The following CDH12 variants were observed in gnomAD, a reference collection of about 807,000 sequenced individuals.
CDH12 encodes cadherin-12.
In CDH12, 41 loss-of-function variants were observed where a neutral mutation model predicts 74.1. The ratio of observed to expected loss-of-function variants is 0.55; its 90% confidence interval spans 0.43 to 0.72. The LOEUF is 0.72. CDH12 is among the 30% of genes least tolerant of loss of function. CDH12 has a pLI of 0.00. For synonymous variants in CDH12, 399 were observed against 355.0 expected, an observed-to-expected ratio of 1.12 and a Z score of -1.39; for missense variants, 945 against 977.2, an observed-to-expected ratio of 0.97 and a Z score of 0.44.
chr5:21,811,305 A>T (rs1224501604), intron 9 of CDH12, among the ~76,000 whole-genome samples: 1 of 152,136 alleles, frequency 6.6e-6, no homozygotes, highest in Middle Eastern at 3.2e-3. Context: ...TTGAAAAATT[A>T]TACAGGATAT....
chr5:21,880,683 CTTTCT>C (rs1561268933), intron 6 of CDH12, among the ~76,000 whole-genome samples: 47 of 107,770 alleles, frequency 4.4e-4, no homozygotes, highest in Non-Finnish European at 7.1e-4. Context: ...TTCTTTCTTT[CTTTCT>C]TTCTCTTTTC....
At chr5:22,017,761 T>A (rs2150158116) in intron 5 of CDH12, among the ~76,000 whole-genome samples, 1 of 151,452 alleles carries the variant, frequency 6.6e-6, no homozygotes, top group African/African-American at 2.4e-5. Flanking sequence ...TTTCCCTCCA[T>A]TCTTTTTTTT....
At chr5:22,762,115 C>G (rs1746259490) in intron 1 of CDH12, among the ~76,000 whole-genome samples, 1 of 152,048 alleles carries the variant, frequency 6.6e-6, no homozygotes, top group Non-Finnish European at 1.5e-5. Flanking sequence ...CAATCAAAGT[C>G]TAAAACCTAA....
chr5:22,334,886 T>TA (rs911917422), intron 3 of CDH12, among the ~76,000 whole-genome samples: 8 of 152,046 alleles, frequency 5.3e-5, no homozygotes, highest in Admixed American at 3.3e-4. Context: ...CCTCAAACTA[T>TA]AAAAATACTA....
rs1471593906 is a variant in CDH12, at chr5:22,122,207, GGCCTGGCCAACATGGTGAAACCCCGTCT to G, written c.-186-43373_-186-43346del. On this transcript the variant is annotated intron_variant, in intron 4 of 14. Transcript: ENST00000382254. Reference sequence around the variant, plus strand: ...CACCTGAGGTCAGGATTTCAAGACCGGCCTGGCCAACATGGTGAAACCCCGTCTCTACTAAAAATACAAAAATTAGGTG... The same window carrying G: ...CACCTGAGGTCAGGATTTCAAGACCGCTACTAAAAATACAAAAATTAGGTG... 2.0e-5 allele frequency among the ~76,000 whole-genome samples: 3 copies of G among 151,834 alleles called. No individual in the cohort carries two copies. The East Asian group carries it at 5.8e-4, about 29-fold the overall frequency.
chr5:22,227,190 A>T (rs927820473), intron 3 of CDH12, among the ~76,000 whole-genome samples: 1 of 152,132 alleles, frequency 6.6e-6, no homozygotes, highest in African/African-American at 2.4e-5. Context: ...AGACAGACAC[A>T]GAATGGAGTT....
intron 6 of CDH12, among the ~76,000 whole-genome samples, chr5:21,872,993 G>A (rs944531588): frequency 7.9e-5 from 12 of 151,566 alleles, no homozygotes; most frequent in African/African-American, 2.9e-4. Flanking sequence ...ATACATATGT[G>A]TATTATATAT....
At chr5:22,833,040 T>A (rs958865574) in intron 1 of CDH12, among the ~76,000 whole-genome samples, 4 of 152,182 alleles carry the variant, frequency 2.6e-5, no homozygotes, top group African/African-American at 9.7e-5. Flanking sequence ...CAGCCAGTGA[T>A]GAATTTAAGT....
intron 1 of CDH12, among the ~76,000 whole-genome samples, chr5:22,612,628 G>A (rs1192103352): frequency 6.6e-6 from 1 of 152,092 alleles, no homozygotes; most frequent in Non-Finnish European, 1.5e-5. Context: ...AAGATAAGGT[G>A]CTGTGAATGT....
chr5:21,901,983 CAAT>C (rs1234125457), intron 6 of CDH12, among the ~76,000 whole-genome samples: 2 of 152,102 alleles, frequency 1.3e-5, no homozygotes, highest in Non-Finnish European at 2.9e-5. Context: ...GCAGAGATTA[CAAT>C]AATAATCGTC....
In CDH12 at chr5:22,340,758, A is replaced by G. The variant is rs551267556; in HGVS notation, c.-333+64499T>C. On this transcript the variant is annotated intron_variant, in intron 3 of 14. Transcript: ENST00000382254. ...TAAAGTTTTCTAAAATACTTTTACT[A>G]TCATGGATGGTAATAGTAAATTTCT... is the stretch of plus-strand genomic sequence containing the variant. Among the ~76,000 whole-genome samples, 5 of 152,300 alleles carry G rather than the reference A, an allele frequency of 3.3e-5. No homozygotes were observed. In the East Asian group the frequency reaches 9.6e-4, roughly 29 times the overall value.
intron 1 of CDH12, among the ~76,000 whole-genome samples, chr5:22,738,182 T>A (rs533113238): frequency 6.6e-6 from 1 of 152,096 alleles, no homozygotes; most frequent in Admixed American, 6.6e-5. Flanking sequence ...ATTAGCAGAA[T>A]CTATCTCCAT....
At chr5:22,693,348 G>A (rs1258645021) in intron 1 of CDH12, among the ~76,000 whole-genome samples, 1 of 152,162 alleles carries the variant, frequency 6.6e-6, no homozygotes, top group African/African-American at 2.4e-5. Flanking sequence ...TCACTGCCTT[G>A]GCAGCTTGTG....
At chr5:22,435,496 A>G (rs985979807) in intron 2 of CDH12, among the ~76,000 whole-genome samples, 7 of 66,670 alleles carry the variant, frequency 1.0e-4, no homozygotes, top group Non-Finnish European at 1.4e-4. Flanking sequence ...ATGTGTATAT[A>G]TATGTGTGTG....
intron 1 of CDH12, among the ~76,000 whole-genome samples, chr5:22,851,643 GC>G (rs1188971255): frequency 6.6e-6 from 1 of 152,028 alleles, no homozygotes; most frequent in Non-Finnish European, 1.5e-5. Context: ...TTAAAGGGAA[GC>G]CCCTGTTTTG....
chr5:21,773,517 G>A (rs1413598676), intron 11 of CDH12, among the ~76,000 whole-genome samples: 1 of 152,088 alleles, frequency 6.6e-6, no homozygotes, highest in Non-Finnish European at 1.5e-5. Flanking sequence ...ATAAACTCTT[G>A]GACTTACACC....
chr5:22,610,534 A>G (rs1346543368), intron 1 of CDH12, among the ~76,000 whole-genome samples: 2 of 152,006 alleles, frequency 1.3e-5, no homozygotes, highest in Non-Finnish European at 2.9e-5. Context: ...TTTCTCTTAT[A>G]CTTTGTAGAA....
chr5:21,971,162 A>G (rs1756837436), intron 6 of CDH12, among the ~76,000 whole-genome samples: 1 of 152,096 alleles, frequency 6.6e-6, no homozygotes, highest in Non-Finnish European at 1.5e-5. Flanking sequence ...AAATAATATA[A>G]TATAAACTTT....
intron 3 of CDH12, among the ~76,000 whole-genome samples, chr5:22,219,495 A>G (rs1345022881): frequency 3.3e-5 from 5 of 151,650 alleles, no homozygotes; most frequent in African/African-American, 4.8e-5. Flanking sequence ...TTGCTGCCAC[A>G]TCATAAGGAA....
Sources: allele counts gnomAD v4.1 joint callset (sites outside exome capture counted in the v4.1 genomes callset), GRCh38; gene constraint gnomAD v4.1.1; transcripts MANE v1.5; gene names NCBI Gene and HGNC (gene_info 2026-07-23, HGNC 2026-07-21).